GRIA1: variants seen among roughly 807,000 people sequenced by gnomAD.
GRIA1 encodes glutamate ionotropic receptor AMPA type subunit 1, also known as glutamate receptor 1.
GRIA1 carries 31 observed loss-of-function variants against 99.2 expected under a neutral mutation model. The observed-to-expected ratio is 0.31, with a 90% confidence interval of 0.23 to 0.42. The LOEUF (loss-of-function observed/expected upper bound fraction) is 0.42. Ranked by LOEUF, GRIA1 falls within the 10% of genes least tolerant of loss-of-function variation. The pLI, the probability that GRIA1 is intolerant of heterozygous loss-of-function variation, is 1.00. For missense variants in GRIA1, 782 were observed against 1,157.5 expected (o/e 0.68, Z 4.71); for synonymous variants, 438 against 432.4 (o/e 1.01, Z -0.16).
At chr5:153,734,804 G>A (rs1321120748) in intron 11 of GRIA1, among the ~76,000 whole-genome samples, 7 of 152,196 alleles carry the variant, frequency 4.6e-5, no homozygotes, top group Non-Finnish European at 7.3e-5. Context: ...CAGGGGAAAG[G>A]CATTTCAGGC....
At chr5:153,706,225 G>T (rs1030187459) in intron 11 of GRIA1, 158 bp downstream of exon 11, 21 of 710,478 alleles carry the variant, frequency 3.0e-5, no homozygotes, top group Non-Finnish European at 4.7e-5. Flanking sequence ...TCCATTGCAC[G>T]CTGTGGATTA....
chr5:153,691,250 C>G (rs1210235027), intron 8 of GRIA1, among the ~76,000 whole-genome samples: 2 of 152,228 alleles, frequency 1.3e-5, no homozygotes, highest in Non-Finnish European at 2.9e-5. Flanking sequence ...GATTTAGGGT[C>G]TCTCTCTGAA....
At chr5:153,772,858 C>T (rs150509748) in intron 13 of GRIA1, among the ~76,000 whole-genome samples, 6 of 152,234 alleles carry the variant, frequency 3.9e-5, no homozygotes, top group African/African-American at 1.4e-4. Flanking sequence ...CTGAAGGTTT[C>T]GTGAGTCAAG....
intron 13 of GRIA1, among the ~76,000 whole-genome samples, chr5:153,784,309 T>C (rs1764830923): frequency 6.6e-6 from 1 of 152,038 alleles, no homozygotes; most frequent in South Asian, 2.1e-4. Flanking sequence ...CATAATTTGA[T>C]CAGAGATGAA....
At chr5:153,690,899 A>C (rs1396897100) in intron 8 of GRIA1, among the ~76,000 whole-genome samples, 2 of 152,152 alleles carry the variant, frequency 1.3e-5, no homozygotes, top group African/African-American at 2.4e-5. Flanking sequence ...GCCTCCTAAC[A>C]AAGTAATTTT....
intron 2 of GRIA1, among the ~76,000 whole-genome samples, chr5:153,643,173 C>T (rs565754681): frequency 1.6e-4 from 25 of 152,270 alleles, no homozygotes; most frequent in African/African-American, 5.5e-4. Flanking sequence ...GACTAAATAA[C>T]TAAAATATTG....
In GRIA1 at chr5:153,500,808, C is replaced by T. The variant is rs117470323; in HGVS notation, c.220+6743C>T. Among the ~76,000 whole-genome samples, 161 of 152,134 alleles carry T rather than the reference C, an allele frequency of 1.1e-3. 3 individuals are homozygous for T. In the East Asian group the frequency reaches 0.028, roughly 27 times the overall value. ...ACACACACACACCCCACACACCTTC[C>T]TGTAATGGCAGGTTTGATGCAGTAA... On this transcript the variant is annotated intron_variant, in intron 2 of 15. Coordinates refer to ENST00000285900, the MANE Select transcript of GRIA1 (RefSeq NM_000827.4).
At position 153,646,787 on chromosome 5, in the gene GRIA1, T is replaced by A. The variant is rs1411933964; in HGVS notation, c.221-141T>A. The A allele has an allele frequency of 8.1e-6, 7 of 863,792 alleles. No homozygotes were observed. The East Asian group carries it at 1.7e-4, about 21-fold the overall frequency. 53.5% of individuals were successfully genotyped at this position (863,792 alleles called of 1,614,324 possible). ...GAAAGGATGAATGGATGGATTGGTTTGTTGGATGGGTAGATGGATAGATGA... is the reference window on the plus strand; with the variant it reads ...GAAAGGATGAATGGATGGATTGGTTAGTTGGATGGGTAGATGGATAGATGA... On this transcript the variant is annotated intron_variant, in intron 2 of 15. Transcript: ENST00000285900.
intron 11 of GRIA1, among the ~76,000 whole-genome samples, chr5:153,745,291 CA>C (rs1554122652): frequency 0.012 from 1,460 of 126,542 alleles, 29 homozygotes; most frequent in African/African-American, 0.036. Context: ...TTAGAAATTA[CA>C]AAAAAAAAAA....
intron 8 of GRIA1, among the ~76,000 whole-genome samples, chr5:153,690,761 T>C (rs1757686612): frequency 6.6e-6 from 1 of 152,226 alleles, no homozygotes; most frequent in Admixed American, 6.5e-5. Flanking sequence ...AGGGCTGTTT[T>C]TAAACTTACC....
intron 7 of GRIA1, among the ~76,000 whole-genome samples, chr5:153,685,242 G>GACAC (rs1757260092): frequency 6.6e-6 from 1 of 152,180 alleles, no homozygotes; most frequent in Admixed American, 6.5e-5. Flanking sequence ...GCTTGTACCT[G>GACAC]AGCTGATGAT....
chr5:153,594,791 C>A lies in GRIA1; in HGVS notation c.221-52137C>A, dbSNP rs1404463609. 4.6e-5 allele frequency among the ~76,000 whole-genome samples: 7 copies of A among 151,694 alleles called. 1 individual carries two copies. The highest frequency in any genetic ancestry group is 3.3e-4 in the Admixed American group (5 of 15,222). ...TAGAGTCTAAATACTTTGTCTTCTTCAGAGTCCACCCCCAGTCTTCTGCTT... is the reference window on the plus strand; with the variant it reads ...TAGAGTCTAAATACTTTGTCTTCTTAAGAGTCCACCCCCAGTCTTCTGCTT... On this transcript the variant is annotated intron_variant, in intron 2 of 15. Transcript: ENST00000285900.
At chr5:153,584,396 A>C (rs1254918467) in intron 2 of GRIA1, among the ~76,000 whole-genome samples, 1 of 152,158 alleles carries the variant, frequency 6.6e-6, no homozygotes, top group Non-Finnish European at 1.5e-5. Flanking sequence ...GATGTTACTC[A>C]GTGGAAATAT....
intron 3 of GRIA1, among the ~76,000 whole-genome samples, chr5:153,647,982 C>T (rs906934402): frequency 4.6e-5 from 7 of 152,144 alleles, no homozygotes; most frequent in African/African-American, 1.7e-4. Context: ...ACTGTCCTAC[C>T]TTCTCATTGT....
chr5:153,490,361 G>C (rs1391570072), upstream of GRIA1: 1 of 171,888 alleles, frequency 5.8e-6, no homozygotes, highest in Non-Finnish European at 1.2e-5. Context: ...AGGGTAAAGA[G>C]GACTGTGGGG....
At chr5:153,629,363 G>A (rs914165482) in intron 2 of GRIA1, among the ~76,000 whole-genome samples, 1 of 152,224 alleles carries the variant, frequency 6.6e-6, no homozygotes, top group Admixed American at 6.5e-5. Flanking sequence ...AGTGAAGTGA[G>A]AAGATTGGAA....
intron 2 of GRIA1, among the ~76,000 whole-genome samples, chr5:153,550,414 G>A (rs970899862): frequency 1.3e-5 from 2 of 152,016 alleles, no homozygotes; most frequent in Non-Finnish European, 2.9e-5. Flanking sequence ...CAGGGTAGGA[G>A]CAGAAGCACT....
intron 2 of GRIA1, among the ~76,000 whole-genome samples, chr5:153,633,051 G>A (rs1311930830): frequency 2.0e-5 from 3 of 152,202 alleles, no homozygotes. Flanking sequence ...ATGCATCTAT[G>A]TGGGTGGGGC....
intron 7 of GRIA1, among the ~76,000 whole-genome samples, chr5:153,681,635 G>C (rs184185785): frequency 6.6e-6 from 1 of 152,174 alleles, no homozygotes; most frequent in Non-Finnish European, 1.5e-5. Flanking sequence ...TGGACTAATT[G>C]CTTGCCTTTT....
Sources: allele counts gnomAD v4.1 joint callset (sites outside exome capture counted in the v4.1 genomes callset), GRCh38; gene constraint gnomAD v4.1.1; transcripts MANE v1.5; gene names NCBI Gene and HGNC (gene_info 2026-07-23, HGNC 2026-07-21).